The following RSU1 variants were observed in gnomAD, a reference collection of about 807,000 sequenced individuals.
RSU1 encodes rsu-1.
In RSU1, 26 loss-of-function variants were observed where a neutral mutation model predicts 31.1. The ratio of observed to expected loss-of-function variants is 0.84; its 90% CI spans 0.61 to 1.16. The LOEUF (loss-of-function observed/expected upper bound fraction) is 1.16, where lower values mean the gene tolerates loss of function less well. Among genes scored for constraint, RSU1 ranks in the 50% most tolerant of loss-of-function variants. The probability of loss-of-function intolerance (pLI) is 0.00; values close to 1 mark genes in which losing one functional copy is unlikely to be tolerated. For synonymous variants in RSU1, 164 were observed against 136.3 expected, an observed-to-expected ratio of 1.20 and a Z score of -1.41; for missense variants, 320 against 339.1, an observed-to-expected ratio of 0.94 and a Z score of 0.44.
At chr10:16,802,178 G>C (rs56170698) in intron 2 of RSU1, among the ~76,000 whole-genome samples, 47,162 of 148,892 alleles carry the variant, frequency 0.32, 9,806 homozygotes, top group African/African-American at 0.6. Context: ...TGGTAATCCT[G>C]TAGGGAGGCT....
At chr10:16,659,763 G>A (rs1834855336) in intron 8 of RSU1, among the ~76,000 whole-genome samples, 1 of 152,182 alleles carries the variant, frequency 6.6e-6, no homozygotes, top group Non-Finnish European at 1.5e-5. Context: ...AATAACTGCA[G>A]AATTAGCTTG....
At chr10:16,607,696 G>A (rs1027415925) in intron 8 of RSU1, among the ~76,000 whole-genome samples, 12 of 152,294 alleles carry the variant, frequency 7.9e-5, no homozygotes, top group South Asian at 2.1e-4. Context: ...TCAGGGTTGG[G>A]CATCTGAATG....
intron 7 of RSU1, among the ~76,000 whole-genome samples, chr10:16,708,740 T>C (rs1191532198): frequency 1.3e-5 from 2 of 152,116 alleles, no homozygotes; most frequent in Admixed American, 6.5e-5. Context: ...TTTATTTGTG[T>C]CCTCTTCAAT....
At chr10:16,750,000 AGACTTGTCAGCAAC>A (rs1327268808) in intron 7 of RSU1, among the ~76,000 whole-genome samples, 2 of 152,214 alleles carry the variant, frequency 1.3e-5, no homozygotes, top group African/African-American at 4.8e-5. Context: ...GTGTCCCCAC[AGACTTGTCAGCAAC>A]CAACTCTCTC....
intron 7 of RSU1, among the ~76,000 whole-genome samples, chr10:16,745,373 T>C (rs140154792): frequency 3.8e-4 from 58 of 152,200 alleles, no homozygotes; most frequent in African/African-American, 1.4e-3. Context: ...AAAATAACGT[T>C]ATCTGTTCTA....
intron 5 of RSU1, among the ~76,000 whole-genome samples, chr10:16,754,455 C>G (rs1285866061): frequency 6.6e-6 from 1 of 151,540 alleles, no homozygotes; most frequent in East Asian, 1.9e-4. Context: ...AATTGTGTTA[C>G]TGGTTTATTA....
chr10:16,671,248 G>T (rs991694532), intron 8 of RSU1, among the ~76,000 whole-genome samples: 6 of 152,264 alleles, frequency 3.9e-5, no homozygotes, highest in African/African-American at 1.2e-4. Flanking sequence ...ACACTATGTT[G>T]TCCAGGCTAG....
intron 8 of RSU1, among the ~76,000 whole-genome samples, chr10:16,605,343 C>G (rs533453104): frequency 1.3e-5 from 2 of 152,242 alleles, no homozygotes; most frequent in East Asian, 1.9e-4. Context: ...AAGGTTCATT[C>G]CTAGAGCACC....
chr10:16,608,649 G>A (rs1235376267), intron 8 of RSU1, among the ~76,000 whole-genome samples: 1 of 151,974 alleles, frequency 6.6e-6, no homozygotes, highest in Non-Finnish European at 1.5e-5. Context: ...TGAACACCTG[G>A]CAATGGGATA....
chr10:16,742,992 C>T (rs1489204947), intron 7 of RSU1, among the ~76,000 whole-genome samples: 2 of 152,034 alleles, frequency 1.3e-5, no homozygotes, highest in Non-Finnish European at 2.9e-5. Flanking sequence ...GGAGACTTGA[C>T]GGGAGTCATT....
At chr10:16,738,228 T>C (rs1836674893) in intron 7 of RSU1, among the ~76,000 whole-genome samples, 1 of 151,970 alleles carries the variant, frequency 6.6e-6, no homozygotes, top group Admixed American at 6.5e-5. Flanking sequence ...AGGCGGATCA[T>C]GATGTCAGCA....
At chr10:16,594,892 C>G (rs1833585758) in intron 8 of RSU1, among the ~76,000 whole-genome samples, 1 of 150,188 alleles carries the variant, frequency 6.7e-6, no homozygotes, top group Non-Finnish European at 1.5e-5. Context: ...TCAAGCAATT[C>G]TCCTGCCTCA....
intron 2 of RSU1, among the ~76,000 whole-genome samples, chr10:16,789,814 T>C (rs576400484): frequency 6.6e-6 from 1 of 152,354 alleles, no homozygotes; most frequent in African/African-American, 2.4e-5. Flanking sequence ...CAAACTGTTA[T>C]TAAAATTCCT....
chr10:16,643,490 A>G (rs1053077904), intron 8 of RSU1, among the ~76,000 whole-genome samples: 1 of 152,210 alleles, frequency 6.6e-6, no homozygotes, highest in African/African-American at 2.4e-5. Context: ...TTAGGTTAGA[A>G]ACAAGTATAT....
At chr10:16,685,380 G>C (rs889425084) in intron 8 of RSU1, among the ~76,000 whole-genome samples, 2 of 152,228 alleles carry the variant, frequency 1.3e-5, no homozygotes, top group African/African-American at 4.8e-5. Flanking sequence ...ACAGAGTAAA[G>C]TTAAAGGAAG....
intron 7 of RSU1, among the ~76,000 whole-genome samples, chr10:16,699,532 G>A (rs947132404): frequency 6.6e-6 from 1 of 152,226 alleles, no homozygotes; most frequent in African/African-American, 2.4e-5. Context: ...TCACCCCGCT[G>A]TCAGTCAGCC....
intron 8 of RSU1, among the ~76,000 whole-genome samples, chr10:16,663,162 G>A (rs1028275120): frequency 2.0e-5 from 3 of 152,088 alleles, no homozygotes; most frequent in Non-Finnish European, 4.4e-5. Flanking sequence ...CGCCATGAGA[G>A]CCTGGCAGAC....
chr10:16,640,637 G>T (rs1288596627), intron 8 of RSU1, among the ~76,000 whole-genome samples: 2 of 152,222 alleles, frequency 1.3e-5, no homozygotes. Context: ...ACCCCCTGCT[G>T]CCACAGGGCC....
chr10:16,791,904 TG>T (rs1406897194), intron 2 of RSU1, among the ~76,000 whole-genome samples: 3 of 152,208 alleles, frequency 2.0e-5, no homozygotes, highest in Non-Finnish European at 2.9e-5. Context: ...GTTTTCAATC[TG>T]GCAAATTAGG....
Sources: gnomAD v4.1 joint callset for allele counts (sites outside exome capture counted in the v4.1 genomes callset) on GRCh38, gnomAD v4.1.1 for gene constraint, MANE v1.5 for transcripts, NCBI Gene and HGNC (gene_info 2026-07-23, HGNC 2026-07-21) for gene names.